The following VTI1A variants were observed in gnomAD, a reference collection of about 807,000 sequenced individuals.
The protein encoded by VTI1A is vesicle transport through interaction with t-SNAREs homolog 1A.
A neutral mutation model predicts 34.9 loss-of-function variants in VTI1A; 22 were observed. That is an observed-to-expected ratio of 0.63 (90% CI 0.45 to 0.90). VTI1A has a LOEUF of 0.90. Ranked by LOEUF, VTI1A falls within the 40% of genes least tolerant of loss-of-function variation. The pLI is 0.00. For missense variants in VTI1A, 268 were observed against 275.6 expected (o/e 0.97, Z 0.20); for synonymous variants, 87 against 97.3 (o/e 0.89, Z 0.62).
chr10:112,713,301 T>G (rs903062201), intron 7 of VTI1A, among the ~76,000 whole-genome samples: 2 of 152,324 alleles, frequency 1.3e-5, no homozygotes, highest in Middle Eastern at 3.4e-3. Context: ...CTTCTCAGTT[T>G]CAAAACTGAA....
In VTI1A at chr10:112,635,543, G is replaced by T. The variant is rs73350534; in HGVS notation, c.428-32675G>T. Among the ~76,000 whole-genome samples, 1,177 of 152,272 alleles carry T rather than the reference G, an allele frequency of 7.7e-3. 11 individuals are homozygous for T. Among genetic ancestry groups the T allele is most frequent in the African/African-American group, 0.027 (1,136 of 41,546 alleles). ...TTTCTTGGTGAGCATGGCCAGAGTG[G>T]TGTTTTAGGAAGATTTTAGAAAGAT... On this transcript the variant is annotated intron_variant, in intron 5 of 7. Transcript: ENST00000393077.
At chr10:112,634,520 C>G (rs199749185) in intron 5 of VTI1A, among the ~76,000 whole-genome samples, 14 of 57,092 alleles carry the variant, frequency 2.5e-4, no homozygotes, top group African/African-American at 1.0e-3. Flanking sequence ...CACATACACA[C>G]ACACACACAC....
intron 5 of VTI1A, among the ~76,000 whole-genome samples, chr10:112,660,319 C>G (rs936885442): frequency 1.3e-5 from 2 of 152,258 alleles, no homozygotes; most frequent in South Asian, 4.1e-4. Flanking sequence ...AGGATGATCT[C>G]GATCTCTTGA....
chr10:112,634,609 C>T (rs1368487178), intron 5 of VTI1A, among the ~76,000 whole-genome samples: 1 of 151,816 alleles, frequency 6.6e-6, no homozygotes, highest in Non-Finnish European at 1.5e-5. Context: ...TCTGAGGAGT[C>T]TGCTGCTTTT....
chr10:112,760,808 G>A (rs1265927049), intron 7 of VTI1A, among the ~76,000 whole-genome samples: 3 of 148,310 alleles, frequency 2.0e-5, no homozygotes, highest in Non-Finnish European at 4.4e-5. Flanking sequence ...AGAATGGCTT[G>A]AACCCAGGAG....
chr10:112,554,315 A>G (rs190755449), intron 5 of VTI1A, among the ~76,000 whole-genome samples: 38 of 152,342 alleles, frequency 2.5e-4, no homozygotes, highest in African/African-American at 8.7e-4. Context: ...GAAACTTAAC[A>G]TAATGCAAGT....
At chr10:112,447,823 T>C (rs1353847732) in intron 1 of VTI1A, among the ~76,000 whole-genome samples, 1 of 152,220 alleles carries the variant, frequency 6.6e-6, no homozygotes, top group Non-Finnish European at 1.5e-5. Flanking sequence ...ATGTAGCCTA[T>C]GGATCTACAA....
intron 4 of VTI1A, among the ~76,000 whole-genome samples, chr10:112,537,311 G>GTATATATATATATATATA (rs10682533): frequency 0.1 from 6,454 of 63,996 alleles, 1,338 homozygotes; most frequent in Non-Finnish European, 0.14. Context: ...AAGTATCTAG[G>GTATATATATATATATATA]TATATATATA....
chr10:112,603,265 C>T (rs1360994904), intron 5 of VTI1A, among the ~76,000 whole-genome samples: 2 of 152,142 alleles, frequency 1.3e-5, no homozygotes, highest in Non-Finnish European at 2.9e-5. Flanking sequence ...TAACTGGGAG[C>T]TTGTTGACAA....
intron 7 of VTI1A, among the ~76,000 whole-genome samples, chr10:112,814,611 C>A (rs1367184481): frequency 6.6e-6 from 1 of 152,122 alleles, no homozygotes; most frequent in Non-Finnish European, 1.5e-5. Flanking sequence ...GAGGTAGAAT[C>A]CCTGGAGGTA....
At chr10:112,705,162 C>G (rs1160737472) in intron 7 of VTI1A, among the ~76,000 whole-genome samples, 1 of 152,026 alleles carries the variant, frequency 6.6e-6, no homozygotes, top group Non-Finnish European at 1.5e-5. Flanking sequence ...CTCAGACTCC[C>G]AAAGTACCTG....
intron 3 of VTI1A, among the ~76,000 whole-genome samples, chr10:112,510,551 G>A (rs185614069): frequency 6.6e-6 from 1 of 152,218 alleles, no homozygotes; most frequent in Admixed American, 6.5e-5. Flanking sequence ...TGGAAGGATT[G>A]GTTGAGACTG....
chr10:112,475,360 G>A (rs569687818), intron 3 of VTI1A, among the ~76,000 whole-genome samples: 17 of 152,368 alleles, frequency 1.1e-4, no homozygotes, highest in African/African-American at 4.1e-4. Context: ...ACACAGTCAT[G>A]TGCATGTAAA....
Position 112,686,781 on chromosome 10 carries a change from C to A in VTI1A, c.560+17783C>A, listed in dbSNP as rs150599480. 2.6e-5 allele frequency among the ~76,000 whole-genome samples: 4 copies of A among 152,268 alleles called. No individual in the cohort carries two copies. The East Asian group carries it at 7.7e-4, about 29-fold the overall frequency. On this transcript the variant is annotated intron_variant, in intron 7 of 7. Coordinates refer to ENST00000393077, the MANE Select transcript of VTI1A (RefSeq NM_145206.4). ...TAGTTTTCATGTAACCCATTGATGT[C>A]TTTCTTTTCACACGTTATTTCCTCT... is the stretch of plus-strand genomic sequence containing the variant.
intron 5 of VTI1A, among the ~76,000 whole-genome samples, chr10:112,593,822 C>T (rs995733806): frequency 1.8e-4 from 27 of 151,232 alleles, no homozygotes; most frequent in African/African-American, 6.3e-4. Flanking sequence ...CTGCAAGCTT[C>T]GCCTCCCGGG....
At chr10:112,793,723 G>A (rs916121628) in intron 7 of VTI1A, among the ~76,000 whole-genome samples, 4 of 152,192 alleles carry the variant, frequency 2.6e-5, no homozygotes, top group Admixed American at 6.5e-5. Context: ...ACAGGGTGGC[G>A]CTTTTCTGCT....
intron 5 of VTI1A, among the ~76,000 whole-genome samples, chr10:112,594,260 C>G (rs1398263310): frequency 6.6e-6 from 1 of 152,140 alleles, no homozygotes; most frequent in Admixed American, 6.6e-5. Flanking sequence ...TTATCATCCT[C>G]TAAACATTTG....
intron 5 of VTI1A, among the ~76,000 whole-genome samples, chr10:112,613,946 T>G (rs1012996775): frequency 2.0e-5 from 3 of 152,342 alleles, no homozygotes. Context: ...ACCATTTTTT[T>G]GTTCTTGCTG....
intron 7 of VTI1A, among the ~76,000 whole-genome samples, chr10:112,725,787 A>G (rs991837980): frequency 6.6e-6 from 1 of 152,320 alleles, no homozygotes; most frequent in South Asian, 2.1e-4. Context: ...GTGATCAATG[A>G]TGCTTGCTTG....
Sources: allele counts gnomAD v4.1 joint callset (sites outside exome capture counted in the v4.1 genomes callset), GRCh38; gene constraint gnomAD v4.1.1; transcripts MANE v1.5; gene names NCBI Gene and HGNC (gene_info 2026-07-23, HGNC 2026-07-21).